Variants in MALRD1 observed in about 807,000 individuals in gnomAD.
MALRD1 encodes the protein MAM and LDL receptor class A domain containing 1.
A neutral mutation model predicts 242.1 loss-of-function variants in MALRD1; 247 were observed. The observed-to-expected ratio is 1.02, with a 90% CI of 0.92 to 1.13. The LOEUF (loss-of-function observed/expected upper bound fraction) is 1.13, where lower values mean the gene tolerates loss of function less well. Among genes scored for constraint, MALRD1 ranks in the 50% most tolerant of loss-of-function variants. MALRD1 has a pLI of 0.00. For missense variants in MALRD1, 2,989 were observed against 2,533.1 expected, an observed-to-expected ratio of 1.18 and a Z score of -3.86; for synonymous variants, 995 against 866.6, an observed-to-expected ratio of 1.15 and a Z score of -2.60.
At chr10:19,406,517 A>C (rs530740342) in intron 28 of MALRD1, among the ~76,000 whole-genome samples, 1 of 152,276 alleles carries the variant, frequency 6.6e-6, no homozygotes, top group Admixed American at 6.5e-5. Context: ...TGTTAAGCTT[A>C]GAGCACAAGC....
intron 14 of MALRD1, among the ~76,000 whole-genome samples, chr10:19,191,570 G>A (rs1043533169): frequency 1.3e-5 from 2 of 152,154 alleles, no homozygotes; most frequent in Non-Finnish European, 2.9e-5. Flanking sequence ...ATTCACAATA[G>A]CTAAAACCTG....
chr10:19,584,320 A>G (rs1248103651), intron 33 of MALRD1, among the ~76,000 whole-genome samples: 5 of 151,674 alleles, frequency 3.3e-5, no homozygotes, highest in South Asian at 2.1e-4. Flanking sequence ...TGATGTTAGG[A>G]TGTCAATTTT....
At chr10:19,062,550 G>A (rs1456445553) in intron 1 of MALRD1, among the ~76,000 whole-genome samples, 1 of 152,166 alleles carries the variant, frequency 6.6e-6, no homozygotes, top group South Asian at 2.1e-4. Flanking sequence ...ACAGATGAAT[G>A]GATAAACCAA....
intron 28 of MALRD1, among the ~76,000 whole-genome samples, chr10:19,401,120 C>T (rs1001047675): frequency 6.6e-6 from 1 of 151,978 alleles, no homozygotes; most frequent in African/African-American, 2.4e-5. Context: ...TGAGTGGCCC[C>T]TGAATTCACC....
intron 5 of MALRD1, among the ~76,000 whole-genome samples, chr10:19,113,584 CTCTCCTTTCCTTTTTCTTCCTTCT>C (rs1048520694): frequency 2.6e-5 from 4 of 151,326 alleles, no homozygotes; most frequent in Non-Finnish European, 5.9e-5. Context: ...TGCCTTCTTC[CTCTCCTTTCCTTTTTCTTCCTTCT>C]TCTCCCTTCT....
At chr10:19,480,580 C>T (rs551693776) in intron 29 of MALRD1, among the ~76,000 whole-genome samples, 1 of 152,232 alleles carries the variant, frequency 6.6e-6, no homozygotes, top group African/African-American at 2.4e-5. Flanking sequence ...GAGGGGTTGA[C>T]ATTTATTTTA....
chr10:19,456,951 A>G (rs1435892602), intron 29 of MALRD1, among the ~76,000 whole-genome samples: 1 of 151,914 alleles, frequency 6.6e-6, no homozygotes, highest in Non-Finnish European at 1.5e-5. Flanking sequence ...AAAACAAAAC[A>G]AAACAAAAGA....
chr10:19,560,524 G>C (rs1274639433), intron 32 of MALRD1, among the ~76,000 whole-genome samples: 2 of 152,032 alleles, frequency 1.3e-5, no homozygotes, highest in Admixed American at 6.6e-5. Flanking sequence ...TATGTTTATT[G>C]CAGCACTATT....
At chr10:19,121,721 C>A (rs941828095) in intron 5 of MALRD1, among the ~76,000 whole-genome samples, 4 of 152,018 alleles carry the variant, frequency 2.6e-5, no homozygotes, top group Non-Finnish European at 5.9e-5. Context: ...GGAGAGTTGA[C>A]CCGCTCCTAC....
At chr10:19,532,400 A>T (rs1308999987) in intron 32 of MALRD1, among the ~76,000 whole-genome samples, 1 of 152,064 alleles carries the variant, frequency 6.6e-6, no homozygotes, top group Non-Finnish European at 1.5e-5. Context: ...GATCACAGGC[A>T]TGCATCACCA....
chr10:19,716,191 G>A (rs574703103), intron 38 of MALRD1, among the ~76,000 whole-genome samples: 1 of 152,282 alleles, frequency 6.6e-6, no homozygotes, highest in South Asian at 2.1e-4. Flanking sequence ...ACACAGATAC[G>A]TATTTTTTAA....
At chr10:19,628,321 C>T (rs1269946800) in intron 36 of MALRD1, among the ~76,000 whole-genome samples, 4 of 152,116 alleles carry the variant, frequency 2.6e-5, no homozygotes, top group Admixed American at 6.6e-5. Context: ...ATGTAGCCTA[C>T]TAACATATTA....
In MALRD1 at chr10:19,539,322, C is replaced by A. The variant is rs534108376; in HGVS notation, c.5478+7971C>A. On this transcript the variant is annotated intron_variant, in intron 32 of 39. Coordinates refer to ENST00000454679, the MANE Select transcript of MALRD1 (RefSeq NM_001142308.3). ...GCAGGTTTTTCCACATGGCCTATCTCTACTCTATCCTTATAACTACTATGC... is the reference window on the plus strand; with the variant it reads ...GCAGGTTTTTCCACATGGCCTATCTATACTCTATCCTTATAACTACTATGC... Among the ~76,000 whole-genome samples, 4 of 152,258 alleles carry A rather than the reference C, an allele frequency of 2.6e-5. No homozygotes were observed. In the East Asian group the frequency reaches 7.7e-4, roughly 29 times the overall value.
chr10:19,691,302 C>G (rs779128768), intron 36 of MALRD1, among the ~76,000 whole-genome samples: 12 of 152,058 alleles, frequency 7.9e-5, no homozygotes, highest in Admixed American at 7.9e-4. Context: ...TGAACCTCCA[C>G]GCTTTTTATA....
intron 1 of MALRD1, among the ~76,000 whole-genome samples, chr10:19,065,193 A>G (rs1263875977): frequency 6.8e-6 from 1 of 147,828 alleles, no homozygotes; most frequent in East Asian, 2.1e-4. Context: ...AGGCTGAGGC[A>G]GGAGAATTGC....
chr10:19,133,111 G>A (rs1031544762), intron 8 of MALRD1, among the ~76,000 whole-genome samples: 1 of 151,906 alleles, frequency 6.6e-6, no homozygotes, highest in African/African-American at 2.4e-5. Context: ...GCTAATTTTT[G>A]TATTTTTAGT....
intron 26 of MALRD1, among the ~76,000 whole-genome samples, chr10:19,368,293 T>C (rs1226541127): frequency 6.6e-6 from 1 of 152,080 alleles, no homozygotes; most frequent in Non-Finnish European, 1.5e-5. Context: ...TAATTTTGTA[T>C]AGGCTGAGAG....
At chr10:19,173,117 C>G (rs927709171) in intron 13 of MALRD1, among the ~76,000 whole-genome samples, 4 of 152,052 alleles carry the variant, frequency 2.6e-5, no homozygotes, top group Admixed American at 2.6e-4. Context: ...TCTTTAGATA[C>G]CAGTTTATTT....
intron 28 of MALRD1, among the ~76,000 whole-genome samples, chr10:19,392,947 T>A (rs1203012766): frequency 2.6e-5 from 4 of 152,154 alleles, no homozygotes; most frequent in Non-Finnish European, 5.9e-5. Context: ...TGGGAAGCAA[T>A]GAGAATCTCT....
Sources: gnomAD v4.1 joint callset for allele counts (sites outside exome capture counted in the v4.1 genomes callset) on GRCh38, gnomAD v4.1.1 for gene constraint, MANE v1.5 for transcripts, NCBI Gene and HGNC (gene_info 2026-07-23, HGNC 2026-07-21) for gene names.